The following RPS6KC1 variants were observed in gnomAD, a reference collection of about 807,000 sequenced individuals.
RPS6KC1 encodes the protein inactive ribosomal protein S6 kinase delta-1.
Under a neutral mutation model 103.8 loss-of-function variants are expected in RPS6KC1, and 54 were observed. That is an observed-to-expected ratio of 0.52 (90% CI 0.42 to 0.65). The LOEUF (loss-of-function observed/expected upper bound fraction) is 0.65, where lower values mean the gene tolerates loss of function less well. RPS6KC1 is among the 30% of genes least tolerant of loss of function. The pLI is 0.00. For missense variants in RPS6KC1, 1,151 were observed against 1,253.8 expected (o/e 0.92, Z 1.24); for synonymous variants, 439 against 438.7 (o/e 1.00, Z -0.01).
chr1:213,658,502 T>C, the RPS6KC1 span, among the ~76,000 whole-genome samples: 3 of 152,156 alleles, frequency 2.0e-5, no homozygotes, highest in Non-Finnish European at 2.9e-5. Flanking sequence ...GGTAATTTGA[T>C]TATCCAACTC....
At chr1:213,086,270 C>T (rs548874307) in intron 3 of RPS6KC1, among the ~76,000 whole-genome samples, 1 of 152,250 alleles carries the variant, frequency 6.6e-6, no homozygotes, top group South Asian at 2.1e-4. Flanking sequence ...GGTACTCATC[C>T]CCTAGGAAAT....
rs985461969 is a variant in RPS6KC1 at position 213,077,744 on chromosome 1, C to T, written c.190C>T (p.Leu64=). The part of the protein sequence containing the change: ...YSDFKKLHKE[L]WQIHKNLFRH... Reference sequence around the variant, plus strand: ...TGATTTTAAGAAACTACACAAAGAACTATGGCAAATTCACAAAAACTTATT... The same window carrying T: ...TGATTTTAAGAAACTACACAAAGAATTATGGCAAATTCACAAAAACTTATT... The change falls in exon 3 of 15, where the codon CTA becomes TTA. Residue 64 remains leucine (L), a synonymous_variant. Coordinates refer to ENST00000366960, the MANE Select transcript of RPS6KC1 (RefSeq NM_012424.6). 5.9e-6 allele frequency: 9 copies of T among 1,536,942 alleles called. No individual in the cohort carries two copies. The highest frequency in any genetic ancestry group is 8.0e-6 in the Non-Finnish European group (9 of 1,122,932).
chr1:213,238,926 T>C (rs73093628), intron 10 of RPS6KC1, among the ~76,000 whole-genome samples: 7,364 of 152,232 alleles, frequency 0.048, 595 homozygotes, highest in African/African-American at 0.17. Flanking sequence ...ACAAGAATCT[T>C]AGTTTTAGGT....
At chr1:213,687,127 G>A in the RPS6KC1 span, among the ~76,000 whole-genome samples, 3 of 152,170 alleles carry the variant, frequency 2.0e-5, no homozygotes, top group Non-Finnish European at 4.4e-5. Flanking sequence ...TTTTATCAAC[G>A]AAGCCTTTGT....
intron 1 of RPS6KC1, among the ~76,000 whole-genome samples, chr1:213,062,666 C>T (rs558253960): frequency 2.0e-5 from 3 of 151,984 alleles, no homozygotes; most frequent in African/African-American, 4.8e-5. Context: ...AAGGTATTCT[C>T]CTGCCTCAGT....
At chr1:213,749,404 G>C in the RPS6KC1 span, among the ~76,000 whole-genome samples, 1 of 152,180 alleles carries the variant, frequency 6.6e-6, no homozygotes, top group Non-Finnish European at 1.5e-5. Context: ...ACAGGGGGGA[G>C]AGGTTTTGGT....
the RPS6KC1 span, among the ~76,000 whole-genome samples, chr1:213,698,671 C>A: frequency 6.6e-6 from 1 of 151,936 alleles, no homozygotes; most frequent in Non-Finnish European, 1.5e-5. Context: ...TCAAGTTTTT[C>A]TTTGCTTCAG....
At chr1:213,700,055 G>A in the RPS6KC1 span, among the ~76,000 whole-genome samples, 1 of 151,746 alleles carries the variant, frequency 6.6e-6, no homozygotes, top group Non-Finnish European at 1.5e-5. Flanking sequence ...TTAGCTTGAT[G>A]TGACCCCATT....
chr1:213,266,896 T>G, intron 14 of RPS6KC1, among the ~76,000 whole-genome samples: 1 of 143,604 alleles, frequency 7.0e-6, no homozygotes, highest in Non-Finnish European at 1.5e-5. Context: ...ATATTGAGGC[T>G]CCGTCTCAAA....
the RPS6KC1 span, among the ~76,000 whole-genome samples, chr1:213,532,295 C>T: frequency 2.0e-5 from 3 of 152,052 alleles, no homozygotes; most frequent in South Asian, 2.1e-4. Context: ...TTTCCAACTG[C>T]GGATGCATTA....
chr1:213,168,315 T>C (rs2091174582), intron 7 of RPS6KC1, among the ~76,000 whole-genome samples: 2 of 152,242 alleles, frequency 1.3e-5, no homozygotes, highest in South Asian at 2.1e-4. Flanking sequence ...TCCAGTTTTA[T>C]TGATTCATGT....
At chr1:213,071,685 T>C (rs1248900097) in intron 2 of RPS6KC1, among the ~76,000 whole-genome samples, 2 of 152,182 alleles carry the variant, frequency 1.3e-5, no homozygotes, top group African/African-American at 4.8e-5. Context: ...TAATAAAAAG[T>C]ATTTGGTAAC....
chr1:213,782,159 G>C, the RPS6KC1 span, among the ~76,000 whole-genome samples: 1 of 152,124 alleles, frequency 6.6e-6, no homozygotes, highest in Non-Finnish European at 1.5e-5. Flanking sequence ...ACTTCACTCA[G>C]GGATAGAAGT....
intron 1 of RPS6KC1, among the ~76,000 whole-genome samples, chr1:213,068,585 G>A (rs371982177): frequency 5.3e-4 from 80 of 151,698 alleles, no homozygotes; most frequent in African/African-American, 1.8e-3. Context: ...GAGGGGACAG[G>A]CTGGTATTTG....
chr1:213,720,423 A>G, the RPS6KC1 span, among the ~76,000 whole-genome samples: 2 of 152,242 alleles, frequency 1.3e-5, no homozygotes, highest in Admixed American at 6.5e-5. Flanking sequence ...ATTCTAACAC[A>G]TATCTTGCAG....
At chr1:213,290,230 G>A in the RPS6KC1 span, among the ~76,000 whole-genome samples, 1 of 151,576 alleles carries the variant, frequency 6.6e-6, no homozygotes, top group South Asian at 2.1e-4. Context: ...TGAAAGGGAT[G>A]AGAGGCAAAG....
chr1:213,097,420 G>T (rs1258087994), intron 3 of RPS6KC1, among the ~76,000 whole-genome samples: 1 of 152,192 alleles, frequency 6.6e-6, no homozygotes, highest in Non-Finnish European at 1.5e-5. Flanking sequence ...AAAATATTCA[G>T]TAGACCATGC....
intron 3 of RPS6KC1, among the ~76,000 whole-genome samples, chr1:213,082,619 C>T (rs1480967104): frequency 2.0e-5 from 3 of 152,142 alleles, no homozygotes; most frequent in Non-Finnish European, 2.9e-5. Flanking sequence ...TGAAAATGTA[C>T]TTTGCAAATG....
intron 3 of RPS6KC1, among the ~76,000 whole-genome samples, chr1:213,099,302 C>T (rs558679994): frequency 2.4e-4 from 36 of 152,004 alleles, no homozygotes; most frequent in South Asian, 1.0e-3. Flanking sequence ...GTAGACTTTA[C>T]GCAACATTTT....
Sources: allele counts gnomAD v4.1 joint callset (sites outside exome capture counted in the v4.1 genomes callset), GRCh38; gene constraint gnomAD v4.1.1; transcripts MANE v1.5; gene names NCBI Gene and HGNC (gene_info 2026-07-23, HGNC 2026-07-21).